EP400: variants seen among roughly 807,000 people sequenced by gnomAD.
EP400 encodes the protein E1A binding protein p400.
In EP400, 105 loss-of-function variants were observed where a neutral mutation model predicts 354.1. The ratio of observed to expected loss-of-function variants is 0.30; its 90% CI spans 0.25 to 0.35. The LOEUF (loss-of-function observed/expected upper bound fraction) is 0.35, where lower values mean the gene tolerates loss of function less well. Among genes scored for constraint, EP400 ranks in the 10% least tolerant of loss-of-function variants. The pLI, the probability that EP400 is intolerant of heterozygous loss-of-function variation, is 1.00. For synonymous variants in EP400, 1,646 were observed against 1,716.9 expected (o/e 0.96, Z 1.02); for missense variants, 3,280 against 4,121.0 (o/e 0.80, Z 5.59).
chr12:131,981,966 A>G, intron 4 of EP400, 127 bp from the exon 5 acceptor site: 1 of 1,278,970 alleles, frequency 7.8e-7, no homozygotes, highest in Non-Finnish European at 1.1e-6. Flanking sequence ...GGTTGTGGCC[A>G]ACTTCTCGTG....
chr12:131,983,970 C>T (rs1443391880), intron 5 of EP400, among the ~76,000 whole-genome samples: 2 of 151,904 alleles, frequency 1.3e-5, no homozygotes, highest in African/African-American at 4.8e-5. Flanking sequence ...GGCCCGATCT[C>T]GGCTCACCAC....
intron 14 of EP400, 100 bp from the exon 15 acceptor site, chr12:132,006,600 T>G: frequency 3.2e-6 from 4 of 1,231,560 alleles, no homozygotes; most frequent in Non-Finnish European, 4.5e-6. Flanking sequence ...TTTGTGGCTT[T>G]CTAATTGGTT....
At chr12:131,978,806 C>A (rs1892571709) in intron 2 of EP400, among the ~76,000 whole-genome samples, 1 of 152,184 alleles carries the variant, frequency 6.6e-6, no homozygotes, top group African/African-American at 2.4e-5. Flanking sequence ...GCCACCACAC[C>A]TGGTGATGGC....
In EP400 at chr12:132,027,383, T is replaced by G; in HGVS notation, c.5015-54T>G. On this transcript the variant is annotated intron_variant, in intron 25 of 52. Coordinates refer to ENST00000389561, the MANE Select transcript of EP400 (RefSeq NM_015409.5). The surrounding 1 kb of genome is among the most constrained non-coding windows in gnomAD (Gnocchi z 4.9). The stretch of plus-strand genomic sequence containing the variant: ...TTCCATGGAGCATGCTGGTGTCAGA[T>G]GAAATCCTGTGAACTTGGCGTTCCT... 8.5e-5 allele frequency: 135 copies of G among 1,580,604 alleles called. No homozygotes were observed. The highest frequency in any genetic ancestry group is 1.7e-4 in the Middle Eastern group (1 of 5,990).
At chr12:132,060,527 A>T (rs78198067) in intron 45 of EP400, among the ~76,000 whole-genome samples, 11,334 of 152,248 alleles carry the variant, frequency 0.074, 678 homozygotes, top group African/African-American at 0.15. Context: ...ACTTGTCAGC[A>T]GCAGCAGTGA....
Position 131,991,292 on chromosome 12 carries a change from C to T in EP400, c.2630-115C>T, listed in dbSNP as rs78115760. 3,530 of 960,934 alleles carry T rather than the reference C, an allele frequency of 3.7e-3. 73 individuals carry two copies. In the African/African-American group the frequency reaches 0.045, roughly 12 times the overall value. The allele number at this position is 960,934 out of a possible 1,614,324, so 59.5% of individuals were successfully genotyped here. On this transcript the variant is annotated intron_variant, in intron 9 of 52. Coordinates refer to ENST00000389561, the MANE Select transcript of EP400 (RefSeq NM_015409.5). ...TGATGATGAGGAGGCAGAACTCACG[C>T]GTCCTTCCTTTCCCTGCACGTGGGT... is the stretch of plus-strand genomic sequence containing the variant.
In EP400 at chr12:132,020,151, T is replaced by G; in HGVS notation, c.4380T>G (p.Ala1460=). 6.2e-7 allele frequency: 1 copy of G among 1,611,914 alleles called. No individual in the cohort carries two copies. Among genetic ancestry groups the G allele is most frequent in the Non-Finnish European group, 8.5e-7 (1 of 1,179,226 alleles). Residue 1460 remains alanine, a synonymous_variant, in exon 22 of 53, where the codon GCT becomes GCG. Transcript: ENST00000389561. ...CGGCAGCCCCCACCACGGCCTCTGC[T>G]GCTCCACAGGGCCCGCTTCGAGGAC... ...PRTAAPTTAS[A]APQGPLRGRP...
intron 12 of EP400, among the ~76,000 whole-genome samples, chr12:132,004,630 ACAATT>A (rs1470208750): frequency 1.3e-5 from 2 of 152,218 alleles, no homozygotes; most frequent in African/African-American, 4.8e-5. Flanking sequence ...TTTTGTGAAT[ACAATT>A]GAGTTTCTTT....
At position 132,078,704 on chromosome 12, in the gene EP400, A is replaced by G. The variant is rs1015332545; in HGVS notation, c.*1031A>G. On this transcript the variant is annotated 3_prime_UTR_variant, in exon 53 of 53. Coordinates refer to ENST00000389561, the MANE Select transcript of EP400 (RefSeq NM_015409.5). ...GCTGGTGATTCTGGAAGTATTGGCT[A>G]TAGCGGTGGGCCCAGTCAACTCTTC... The G allele has an allele frequency of 6.6e-5, 10 of 152,348 alleles. No homozygotes were observed. In the East Asian group the frequency reaches 1.9e-3, roughly 29 times the overall value. 9.4% of individuals were successfully genotyped at this position (152,348 alleles called of 1,614,324 possible). A position where few individuals can be genotyped will look rare whatever the true frequency, so the allele number is the denominator to read the frequency against.
intron 13 of EP400, 59 bp from the exon 14 acceptor site, chr12:132,006,053 G>T (rs1211546429): frequency 6.6e-7 from 1 of 1,511,842 alleles, no homozygotes; most frequent in Non-Finnish European, 8.9e-7. Flanking sequence ...TTAAAAAAAG[G>T]TTTAGATTTA....
At chr12:131,958,124 C>G (rs913115158) in intron 1 of EP400, among the ~76,000 whole-genome samples, 1 of 152,172 alleles carries the variant, frequency 6.6e-6, no homozygotes, top group African/African-American at 2.4e-5. Flanking sequence ...TATACTCTAC[C>G]TATGTTAATT....
intron 24 of EP400, among the ~76,000 whole-genome samples, chr12:132,024,863 C>A (rs1894249510): frequency 6.6e-6 from 1 of 151,532 alleles, no homozygotes; most frequent in Admixed American, 6.6e-5. Context: ...CCTTCCTTCA[C>A]CTTCCGTGAC....
At chr12:132,007,028 A>G (rs1893605644) in intron 15 of EP400, 151 bp downstream of exon 15, 4 of 789,230 alleles carry the variant, frequency 5.1e-6, no homozygotes, top group Non-Finnish European at 2.0e-6. Flanking sequence ...AGAAGTATTC[A>G]TTTTATGAAT....
intron 12 of EP400, among the ~76,000 whole-genome samples, chr12:132,003,987 A>G (rs1452155845): frequency 6.6e-6 from 1 of 152,230 alleles, no homozygotes; most frequent in Non-Finnish European, 1.5e-5. Context: ...ACATATCACA[A>G]GTACACAGCC....
intron 7 of EP400, among the ~76,000 whole-genome samples, chr12:131,988,880 T>C (rs1042192793): frequency 6.6e-6 from 1 of 152,150 alleles, no homozygotes; most frequent in Non-Finnish European, 1.5e-5. Context: ...CCCAGAATTT[T>C]CCCCCTTGCT....
At chr12:131,989,472 A>G (rs1324005127) in intron 7 of EP400, among the ~76,000 whole-genome samples, 1 of 152,176 alleles carries the variant, frequency 6.6e-6, no homozygotes, top group Non-Finnish European at 1.5e-5. Flanking sequence ...AGGTTTTCTC[A>G]TCTTAATTCT....
chr12:132,026,118 C>A (rs1246521790), intron 25 of EP400, among the ~76,000 whole-genome samples: 2 of 152,132 alleles, frequency 1.3e-5, no homozygotes, highest in Admixed American at 6.5e-5. Context: ...TGCTCCGTTT[C>A]CCCTGGGAGT....
In EP400 at chr12:132,023,779, G is replaced by A. The variant is rs1894206587; in HGVS notation, c.4693G>A (p.Gly1565Arg). The change falls in exon 24 of 53, where the codon GGA (glycine) becomes AGA (arginine). Residue 1565 changes from glycine to arginine, a missense_variant and splice_region_variant. Physicochemically the swap from Gly to Arg is moderately radical, Grantham distance 125 (BLOSUM62 -2). Coordinates refer to ENST00000389561, the MANE Select transcript of EP400 (RefSeq NM_015409.5). The stretch of plus-strand genomic sequence containing the variant: ...CCTTTTCCTCTACGTTTCAACAGGT[G>A]GAGAGGTAGTGAAAATAGCTCAGCT... ...PSQAQARLPS[G>R]EVVKIAQLAS... is the part of the protein sequence containing the mutation. 1.9e-6 allele frequency: 3 copies of A among 1,613,032 alleles called. No individual in the cohort carries two copies. Among genetic ancestry groups the A allele is most frequent in the South Asian group, 2.2e-5 (2 of 90,874 alleles).
At chr12:131,974,052 C>T (rs1335896081) in intron 2 of EP400, among the ~76,000 whole-genome samples, 2 of 149,748 alleles carry the variant, frequency 1.3e-5, no homozygotes, top group Non-Finnish European at 3.0e-5. Flanking sequence ...GATCTCAGCT[C>T]ACCACAACCT....
Sources: allele counts gnomAD v4.1 joint callset (sites outside exome capture counted in the v4.1 genomes callset), GRCh38; gene constraint gnomAD v4.1.1; non-coding constraint Gnocchi (gnomAD v3.1); transcripts MANE v1.5; gene names NCBI Gene and HGNC (gene_info 2026-07-23, HGNC 2026-07-21).